SLC22A4: variants seen among roughly 807,000 people sequenced by gnomAD.
SLC22A4 encodes ET transporter.
Under a neutral mutation model 56.6 loss-of-function variants are expected in SLC22A4, and 39 were observed. That is an observed-to-expected ratio of 0.69 (90% CI 0.53 to 0.90). The LOEUF is 0.90. Among genes scored for constraint, SLC22A4 ranks in the 40% least tolerant of loss-of-function variants. The pLI is 0.00. For synonymous variants in SLC22A4, 241 were observed against 281.4 expected, an observed-to-expected ratio of 0.86 and a Z score of 1.44; for missense variants, 594 against 696.5, an observed-to-expected ratio of 0.85 and a Z score of 1.66.
intron 8 of SLC22A4, among the ~76,000 whole-genome samples, chr5:132,336,964 T>C (rs56399423): frequency 0.28 from 42,602 of 152,130 alleles, 7,845 homozygotes; most frequent in Non-Finnish European, 0.42. Flanking sequence ...ACTTTTATAC[T>C]GAAACACATA....
intron 7 of SLC22A4, 32 bp from the exon 8 acceptor site, chr5:132,335,786 G>C (rs376998248): frequency 1.2e-4 from 190 of 1,569,050 alleles, no homozygotes; most frequent in Admixed American, 4.0e-4. Context: ...ACTTCTAAAA[G>C]CACCATTGTT....
At chr5:132,322,459 C>A (rs754619304) in intron 4 of SLC22A4, 104 bp downstream of exon 4, 4 of 1,138,228 alleles carry the variant, frequency 3.5e-6, no homozygotes, top group Admixed American at 1.8e-5. Flanking sequence ...ATGACCTCCA[C>A]GGAACTCGCG....
At chr5:132,329,173 C>T (rs1750783731) in intron 5 of SLC22A4, among the ~76,000 whole-genome samples, 1 of 151,972 alleles carries the variant, frequency 6.6e-6, no homozygotes, top group Non-Finnish European at 1.5e-5. Flanking sequence ...CTCCTGGGCT[C>T]AAGCAATCCT....
At chr5:132,317,411 C>A (rs757708640) in intron 3 of SLC22A4, among the ~76,000 whole-genome samples, 18 of 152,186 alleles carry the variant, frequency 1.2e-4, no homozygotes, top group African/African-American at 4.1e-4. Context: ...TTCCCTATTC[C>A]GCACATTTGA....
chr5:132,311,648 C>T (rs1397936857), intron 1 of SLC22A4: 1 of 178,386 alleles, frequency 5.6e-6, no homozygotes. Context: ...CTCAGAGGGG[C>T]CTGCTCAGAA....
chr5:132,309,311 A>G (rs1177193020), intron 1 of SLC22A4, among the ~76,000 whole-genome samples: 4 of 152,222 alleles, frequency 2.6e-5, no homozygotes, highest in Non-Finnish European at 4.4e-5. Context: ...CAGCCCTAGA[A>G]TCAACCATGG....
intron 1 of SLC22A4, among the ~76,000 whole-genome samples, chr5:132,297,869 G>C (rs1306175899): frequency 6.6e-6 from 1 of 151,908 alleles, no homozygotes; most frequent in African/African-American, 2.4e-5. Context: ...GATCACTTGA[G>C]CCCAAGAGTT....
Position 132,327,316 on chromosome 5 carries a change from A to C in SLC22A4, c.864A>C (p.Arg288Ser). The C allele has an allele frequency of 6.2e-7, 1 of 1,607,432 alleles. No homozygotes were observed. The highest frequency in any genetic ancestry group is 8.5e-7 in the Non-Finnish European group (1 of 1,174,154). The change falls in exon 5 of 10, where the codon AGA (arginine) becomes AGC (serine). Residue 288 changes from arginine to serine, a missense_variant. Coordinates refer to ENST00000200652, the MANE Select transcript of SLC22A4 (RefSeq NM_003059.3). ...PESPRWLISQ[R>S]RFREAEDIIQ... ...CTCCCCGATGGCTGATATCCCAGAG[A>C]AGATTTAGAGAGGCTGAAGATATCA... is the stretch of plus-strand genomic sequence containing the variant.
rs1561547567 is a variant in SLC22A4 at position 132,335,801 on chromosome 5, C to T, written c.1262-17C>T. 4 of 1,607,430 alleles carry T rather than the reference C, an allele frequency of 2.5e-6. No homozygotes were observed. The highest frequency in any genetic ancestry group is 1.3e-5 in the African/African-American group (1 of 74,772). On this transcript the variant is annotated splice_polypyrimidine_tract_variant and intron_variant, in intron 7 of 9. Transcript: ENST00000200652. ...ACTTCTAAAAGCACCATTGTTTATA[C>T]CGGGTCTCTTTTCCAGATTATTACT...
At chr5:132,331,896 A>G (rs1376631936) in intron 6 of SLC22A4, 46 bp downstream of exon 6, 3 of 1,187,122 alleles carry the variant, frequency 2.5e-6, no homozygotes, top group African/African-American at 1.5e-5. Context: ...GCACATAAGT[A>G]TGCAACTGAT....
intron 8 of SLC22A4, among the ~76,000 whole-genome samples, chr5:132,340,072 T>G (rs1345617791): frequency 6.8e-6 from 1 of 146,658 alleles, no homozygotes; most frequent in Non-Finnish European, 1.5e-5. Flanking sequence ...TGTTTTTTTT[T>G]TTTTTTTTTT....
At chr5:132,314,112 GT>G (rs1750265642) in intron 3 of SLC22A4, among the ~76,000 whole-genome samples, 1 of 152,226 alleles carries the variant, frequency 6.6e-6, no homozygotes, top group Non-Finnish European at 1.5e-5. Flanking sequence ...TTTGATCTGA[GT>G]TGTGTAGGCT....
intron 7 of SLC22A4, 30 bp downstream of exon 7, chr5:132,334,962 C>A (rs778466587): frequency 2.1e-6 from 3 of 1,458,350 alleles, no homozygotes; most frequent in Non-Finnish European, 2.9e-6. Flanking sequence ...GAACAGCTTA[C>A]CAGAAAAGAC....
Position 132,343,822 on chromosome 5 carries a change from T to C in SLC22A4, c.1643T>C (p.Ile548Thr). 1 of 1,602,706 alleles carries C rather than the reference T, an allele frequency of 6.2e-7. No individual in the cohort carries two copies. The highest frequency in any genetic ancestry group is 8.5e-7 in the Non-Finnish European group (1 of 1,170,200). ...ACAGAAGAAAATCCCAAGGTTCTAA[T>C]AACTGCATTCTGAAAAAATATCTAC... ...METEENPKVL[I>T]TAF Residue 548 changes from isoleucine (I) to threonine (T), a missense_variant, in exon 10 of 10, where the codon ATA becomes ACA. Coordinates refer to ENST00000200652, the MANE Select transcript of SLC22A4 (RefSeq NM_003059.3).
chr5:132,313,027 C>A (rs762158121), intron 2 of SLC22A4, among the ~76,000 whole-genome samples: 1 of 152,248 alleles, frequency 6.6e-6, no homozygotes, highest in Non-Finnish European at 1.5e-5. Flanking sequence ...CACCAACAGA[C>A]ATTGCTGAAA....
intron 6 of SLC22A4, 111 bp downstream of exon 6, chr5:132,331,961 T>A: frequency 1.3e-6 from 1 of 757,902 alleles, no homozygotes. Context: ...GAGGAAAAAT[T>A]AAGATTATAA....
intron 4 of SLC22A4, chr5:132,324,728 T>C (rs1012723323): frequency 5.2e-6 from 2 of 383,374 alleles, no homozygotes; most frequent in Non-Finnish European, 1.1e-5. Flanking sequence ...TGCCGCCTGC[T>C]CAGTATGAGA....
chr5:132,339,209 T>C (rs1404576381), intron 8 of SLC22A4, among the ~76,000 whole-genome samples: 1 of 152,208 alleles, frequency 6.6e-6, no homozygotes, highest in Non-Finnish European at 1.5e-5. Flanking sequence ...ATGGAAGAAA[T>C]TAGCCCCTTG....
At chr5:132,311,640 C>G (rs1043246815) in intron 1 of SLC22A4, 1 of 176,064 alleles carries the variant, frequency 5.7e-6, no homozygotes, top group African/African-American at 2.4e-5. Flanking sequence ...CATGATTTCT[C>G]AGAGGGGCCT....
Sources: gnomAD v4.1 joint callset for allele counts (sites outside exome capture counted in the v4.1 genomes callset) on GRCh38, gnomAD v4.1.1 for gene constraint, MANE v1.5 for transcripts, NCBI Gene and HGNC (gene_info 2026-07-23, HGNC 2026-07-21) for gene names.